The following GNA12 variants were observed in gnomAD, a reference collection of about 807,000 sequenced individuals.
The protein encoded by GNA12 is guanine nucleotide-binding protein subunit alpha-12.
GNA12 carries 9 observed loss-of-function variants against 26.0 expected under a neutral mutation model. The observed-to-expected ratio is 0.35, with a 90% CI of 0.21 to 0.60. The LOEUF (loss-of-function observed/expected upper bound fraction) is 0.60. GNA12 is among the 20% of genes least tolerant of loss of function. GNA12 has a pLI of 0.78. For synonymous variants in GNA12, 264 were observed against 219.6 expected, an observed-to-expected ratio of 1.20 and a Z score of -1.79; for missense variants, 405 against 525.8, an observed-to-expected ratio of 0.77 and a Z score of 2.25.
At position 2,843,182 on chromosome 7, in the gene GNA12, G is replaced by A. The variant is rs144092469; in HGVS notation, c.309+671C>T. Among the ~76,000 whole-genome samples the A allele has an allele frequency of 1.4e-3, 209 of 152,252 alleles. 1 individual carries two copies. The highest frequency in any genetic ancestry group is 4.9e-3 in the African/African-American group (203 of 41,546). ...CACTGCTCTTCTTCTAAGCTCAGCC[G>A]GAGGGCACGGCCGGTTGGGCTCCTA... is the stretch of plus-strand genomic sequence containing the variant. On this transcript the variant is annotated intron_variant, in intron 1 of 3. Coordinates refer to ENST00000275364, the MANE Select transcript of GNA12 (RefSeq NM_007353.3).
rs558296912 is a variant in GNA12, at chr7:2,819,280, G to T, written c.310-24137C>A. Reference sequence around the variant, plus strand: ...TGCCACAACCTGAATGAACTTGGATGCCGATGCATTCCCAGAGCCTCCAAA... The same window carrying T: ...TGCCACAACCTGAATGAACTTGGATTCCGATGCATTCCCAGAGCCTCCAAA... On this transcript the variant is annotated intron_variant, in intron 1 of 3. Transcript: ENST00000275364. Among the ~76,000 whole-genome samples the T allele has an allele frequency of 3.4e-4, 52 of 152,322 alleles. No homozygotes were observed. The South Asian group carries it at 0.011, about 32-fold the overall frequency.
chr7:2,812,735 C>T (rs906333496), intron 1 of GNA12, among the ~76,000 whole-genome samples: 7 of 133,510 alleles, frequency 5.2e-5, no homozygotes, highest in South Asian at 2.4e-4. Flanking sequence ...CCACCTTCTA[C>T]GATGGTGCTT....
intron 1 of GNA12, chr7:2,814,472 C>T (rs1793167261): frequency 1.2e-6 from 1 of 860,282 alleles, no homozygotes; most frequent in African/African-American, 1.7e-5. Flanking sequence ...TCAAGCTTCT[C>T]CAAGCTCACA....
At chr7:2,836,067 T>C (rs1778828718) in intron 1 of GNA12, 4 of 255,256 alleles carry the variant, frequency 1.6e-5, no homozygotes, top group Non-Finnish European at 3.3e-5. Context: ...ATAAACTTGA[T>C]TATTGTTTAA....
rs1017543906 is a variant in GNA12, at chr7:2,765,923, C to A, written c.525+29005G>T. Among the ~76,000 whole-genome samples, 72 of 148,038 alleles carry A rather than the reference C, an allele frequency of 4.9e-4. 1 individual carries two copies. The highest frequency in any genetic ancestry group is 4.4e-4 in the South Asian group (2 of 4,546). ...TTCCAAAGTGCTGGGATTACAGGCG[C>A]GAGCCACTGCGCCCGGCTCCACATC... is the stretch of plus-strand genomic sequence containing the variant. On this transcript the variant is annotated intron_variant, in intron 2 of 3. Coordinates refer to ENST00000275364, the MANE Select transcript of GNA12 (RefSeq NM_007353.3).
intron 2 of GNA12, among the ~76,000 whole-genome samples, chr7:2,746,769 T>C (rs1353283809): frequency 6.6e-6 from 1 of 152,038 alleles, no homozygotes; most frequent in East Asian, 1.9e-4. Flanking sequence ...GATAGACCGC[T>C]AGCAAGACTA....
chr7:2,839,758 T>A (rs1778935971), intron 1 of GNA12, among the ~76,000 whole-genome samples: 1 of 151,980 alleles, frequency 6.6e-6, no homozygotes, highest in African/African-American at 2.4e-5. Flanking sequence ...TCTGGCACTT[T>A]GGGAGGCCGA....
rs1488350413 is a variant in GNA12 at position 2,771,070 on chromosome 7, C to T, written c.525+23858G>A. On this transcript the variant is annotated intron_variant, in intron 2 of 3. Coordinates refer to ENST00000275364, the MANE Select transcript of GNA12 (RefSeq NM_007353.3). ...CTTTGGGAGGCTGAGGTGGGTGGAT[C>T]ACTTGAAGTTAGGAGTTCAAGACCA... Among the ~76,000 whole-genome samples the T allele has an allele frequency of 3.3e-5, 5 of 152,126 alleles. No homozygotes were observed. The East Asian group carries it at 9.6e-4, about 29-fold the overall frequency.
chr7:2,764,213 C>T (rs1401531456), intron 2 of GNA12, among the ~76,000 whole-genome samples: 5 of 150,838 alleles, frequency 3.3e-5, no homozygotes, highest in South Asian at 4.2e-4. Context: ...GCTGGGACCA[C>T]GGGCACGTGC....
chr7:2,731,232 A>C lies in GNA12; in HGVS notation c.1095T>G (p.Ala365=). 1 of 1,612,796 alleles carries C rather than the reference A, an allele frequency of 6.2e-7. No homozygotes were observed. The highest frequency in any genetic ancestry group is 1.1e-5 in the South Asian group (1 of 91,048). ...DTENVRFVFH[A]VKDTILQENL... The stretch of plus-strand genomic sequence containing the variant: ...TCTCCTGCAGGATGGTGTCTTTCAC[A>C]GCATGGAACACGAAGCGGACGTTCT... The change falls in exon 4 of 4, where the codon GCT becomes GCG. Residue 365 remains alanine, a synonymous_variant. Transcript: ENST00000275364. The surrounding 1 kb of genome is among the most constrained non-coding windows in gnomAD (Gnocchi z 6.0).
rs537927041 is a variant in GNA12 at position 2,784,804 on chromosome 7, C to A, written c.525+10124G>T. ...CTTTGTTATAGGTTGCAATTTTCCC[C>A]AAATTTGTCATTTGACTCTTAATTT... On this transcript the variant is annotated intron_variant, in intron 2 of 3. Coordinates refer to ENST00000275364, the MANE Select transcript of GNA12 (RefSeq NM_007353.3). 9.9e-5 allele frequency among the ~76,000 whole-genome samples: 15 copies of A among 152,268 alleles called. No individual in the cohort carries two copies. In the East Asian group the frequency reaches 2.3e-3, roughly 23 times the overall value.
At chr7:2,817,820 T>A (rs1793250490) in intron 1 of GNA12, among the ~76,000 whole-genome samples, 1 of 152,226 alleles carries the variant, frequency 6.6e-6, no homozygotes, top group Non-Finnish European at 1.5e-5. Flanking sequence ...AATGTTGTCA[T>A]CTATTAATTG....
At chr7:2,757,129 C>CTTTTT (rs71026549) in intron 2 of GNA12, among the ~76,000 whole-genome samples, 57 of 93,988 alleles carry the variant, frequency 6.1e-4, no homozygotes, top group African/African-American at 2.3e-3. Flanking sequence ...TCAGGTGGGC[C>CTTTTT]TTTTTTTTTT....
chr7:2,739,969 G>T (rs113465583), intron 2 of GNA12, among the ~76,000 whole-genome samples: 1 of 152,092 alleles, frequency 6.6e-6, no homozygotes, highest in Non-Finnish European at 1.5e-5. Context: ...CACTGTGCCC[G>T]GCAGTCCTTT....
chr7:2,842,100 A>AGAGAAGAAGGG (rs879694805), intron 1 of GNA12, among the ~76,000 whole-genome samples: 35,580 of 146,522 alleles, frequency 0.24, 4,837 homozygotes, highest in East Asian at 0.34. Context: ...AAAGGAAGGA[A>AGAGAAGAAGGG]AGGAAGGAAG....
chr7:2,779,305 G>A (rs190844608), intron 2 of GNA12, among the ~76,000 whole-genome samples: 3 of 152,254 alleles, frequency 2.0e-5, no homozygotes, highest in Admixed American at 2.0e-4. Flanking sequence ...ACAAGATTGC[G>A]CCACTATAAT....
intron 1 of GNA12, among the ~76,000 whole-genome samples, chr7:2,832,794 C>T (rs931731746): frequency 6.6e-6 from 1 of 152,184 alleles, no homozygotes; most frequent in Non-Finnish European, 1.5e-5. Flanking sequence ...ATGTTTTCTT[C>T]CCCTTGCCGT....
chr7:2,796,021 C>T (rs2533885), intron 1 of GNA12, among the ~76,000 whole-genome samples: 77,392 of 151,570 alleles, frequency 0.51, 20,160 homozygotes, highest in Admixed American at 0.57. Context: ...CAGACCACCA[C>T]GGACTGCTAA....
intron 2 of GNA12, among the ~76,000 whole-genome samples, chr7:2,793,465 C>T (rs1792571933): frequency 6.6e-6 from 1 of 152,118 alleles, no homozygotes; most frequent in African/African-American, 2.4e-5. Flanking sequence ...AAGATGTTAA[C>T]ATTAGGGGGA....
Sources: allele counts gnomAD v4.1 joint callset (sites outside exome capture counted in the v4.1 genomes callset), GRCh38; gene constraint gnomAD v4.1.1; non-coding constraint Gnocchi (gnomAD v3.1); transcripts MANE v1.5; gene names NCBI Gene and HGNC (gene_info 2026-07-23, HGNC 2026-07-21).